The following WWOX variants were observed in gnomAD, a reference collection of about 807,000 sequenced individuals.
WWOX encodes WW domain-containing oxidoreductase.
Under a neutral mutation model 46.2 loss-of-function variants are expected in WWOX, and 69 were observed. The ratio of observed to expected loss-of-function variants is 1.49; its 90% CI spans 1.23 to 1.82. The LOEUF (loss-of-function observed/expected upper bound fraction) is 1.82. Among genes scored for constraint, WWOX ranks in the 40% most tolerant of loss-of-function variants. The pLI is 0.00. For synonymous variants in WWOX, 359 were observed against 202.6 expected (o/e 1.77, Z -6.56); for missense variants, 919 against 542.6 (o/e 1.69, Z -6.89).
At chr16:78,612,382 C>A (rs192074671) in intron 8 of WWOX, among the ~76,000 whole-genome samples, 3 of 152,230 alleles carry the variant, frequency 2.0e-5, no homozygotes, top group East Asian at 1.9e-4. Context: ...CCATCTCTTA[C>A]GGCAGGCAGC....
chr16:78,528,880 C>G (rs183941911), intron 8 of WWOX, among the ~76,000 whole-genome samples: 1 of 151,994 alleles, frequency 6.6e-6, no homozygotes, highest in East Asian at 1.9e-4. Flanking sequence ...TTACTCACAT[C>G]ATAGATGGAG....
At chr16:78,478,908 G>A (rs567354736) in intron 8 of WWOX, among the ~76,000 whole-genome samples, 5 of 151,894 alleles carry the variant, frequency 3.3e-5, no homozygotes, top group Non-Finnish European at 7.4e-5. Flanking sequence ...CTCATTTCCA[G>A]TATTTAATTT....
intron 8 of WWOX, among the ~76,000 whole-genome samples, chr16:78,905,250 T>C (rs765557746): frequency 6.6e-6 from 1 of 152,132 alleles, no homozygotes; most frequent in African/African-American, 2.4e-5. Flanking sequence ...GAGAAGAAAA[T>C]TGCGTGCTAA....
intron 8 of WWOX, among the ~76,000 whole-genome samples, chr16:78,679,211 C>G (rs988584473): frequency 6.6e-6 from 1 of 152,132 alleles, no homozygotes; most frequent in African/African-American, 2.4e-5. Flanking sequence ...GCCCGAGATC[C>G]TAGAACCCGT....
At chr16:78,125,688 C>T (rs545938911) in intron 4 of WWOX, among the ~76,000 whole-genome samples, 4 of 151,928 alleles carry the variant, frequency 2.6e-5, no homozygotes, top group African/African-American at 9.7e-5. Context: ...ATAGCAAGAC[C>T]CCATCTCTAC....
Position 78,741,709 on chromosome 16 carries a change from G to C in WWOX, c.1056+308957G>C, listed in dbSNP as rs147852174. Among the ~76,000 whole-genome samples the C allele has an allele frequency of 4.7e-3, 721 of 151,992 alleles. 1 individual carries two copies. Among genetic ancestry groups the C allele is most frequent in the Middle Eastern group, 0.014 (4 of 294 alleles). ...GTCTATACTAAAAATACAGAAATCA[G>C]TGGGGCATGGGGCGGGTGCTCTGTA... is the stretch of plus-strand genomic sequence containing the variant. On this transcript the variant is annotated intron_variant, in intron 8 of 8. Transcript: ENST00000566780.
chr16:78,378,103 C>G (rs1348895574), intron 5 of WWOX, among the ~76,000 whole-genome samples: 15 of 151,916 alleles, frequency 9.9e-5, no homozygotes, highest in Admixed American at 9.8e-4. Flanking sequence ...CAAGAATCCC[C>G]CTGCGTCCCC....
chr16:78,192,539 A>G (rs1022245828), intron 5 of WWOX, among the ~76,000 whole-genome samples: 2 of 151,796 alleles, frequency 1.3e-5, no homozygotes, highest in Non-Finnish European at 2.9e-5. Flanking sequence ...AATAGGACCC[A>G]TATCCCTGGA....
At chr16:78,646,850 A>T (rs537053681) in intron 8 of WWOX, among the ~76,000 whole-genome samples, 7 of 152,166 alleles carry the variant, frequency 4.6e-5, no homozygotes, top group Admixed American at 1.3e-4. Context: ...GCCGAAACTA[A>T]CTCTGCTGTG....
chr16:78,639,558 G>T (rs2046653761), intron 8 of WWOX, among the ~76,000 whole-genome samples: 1 of 139,320 alleles, frequency 7.2e-6, no homozygotes, highest in Admixed American at 7.6e-5. Context: ...GACTCCAGGG[G>T]CACAGATTGG....
chr16:78,871,791 A>G (rs2044134269), intron 8 of WWOX, among the ~76,000 whole-genome samples: 1 of 152,104 alleles, frequency 6.6e-6, no homozygotes, highest in South Asian at 2.1e-4. Flanking sequence ...TTTAGTAGAG[A>G]GGGGTTTCAC....
At chr16:78,827,256 C>T (rs147784442) in intron 8 of WWOX, among the ~76,000 whole-genome samples, 1 of 152,292 alleles carries the variant, frequency 6.6e-6, no homozygotes, top group Non-Finnish European at 1.5e-5. Flanking sequence ...TAATTGCTCA[C>T]TGTCCAAGTG....
chr16:78,611,088 G>A (rs926265222), intron 8 of WWOX, among the ~76,000 whole-genome samples: 2 of 152,166 alleles, frequency 1.3e-5, no homozygotes, highest in African/African-American at 4.8e-5. Context: ...GTATATCCCA[G>A]TGTGTGTGGT....
At chr16:78,195,384 C>T (rs570270280) in intron 5 of WWOX, among the ~76,000 whole-genome samples, 2 of 152,296 alleles carry the variant, frequency 1.3e-5, no homozygotes, top group South Asian at 4.1e-4. Flanking sequence ...GCTGGCTCAC[C>T]TCCTACTGGT....
chr16:78,362,381 G>A (rs140798267), intron 5 of WWOX, among the ~76,000 whole-genome samples: 160 of 152,278 alleles, frequency 1.1e-3, no homozygotes, highest in Non-Finnish European at 1.8e-3. Context: ...AGGCCAATGC[G>A]GGTGGATCAC....
intron 8 of WWOX, among the ~76,000 whole-genome samples, chr16:78,601,028 C>T (rs147952982): frequency 2.6e-4 from 40 of 152,284 alleles, no homozygotes; most frequent in South Asian, 1.9e-3. Context: ...CCCTCAACCT[C>T]GTTCAGTTTC....
chr16:78,835,364 C>T (rs1382752629), intron 8 of WWOX, among the ~76,000 whole-genome samples: 6 of 152,164 alleles, frequency 3.9e-5, no homozygotes, highest in Non-Finnish European at 5.9e-5. Context: ...TAAATCCACA[C>T]GTTGATAATG....
At chr16:79,156,364 C>T (rs138036109) in intron 8 of WWOX, among the ~76,000 whole-genome samples, 1 of 152,170 alleles carries the variant, frequency 6.6e-6, no homozygotes, top group African/African-American at 2.4e-5. Flanking sequence ...TTTTGCCATG[C>T]TGCTCAAGCT....
intron 8 of WWOX, among the ~76,000 whole-genome samples, chr16:78,887,805 T>A (rs1202901602): frequency 1.3e-5 from 2 of 152,176 alleles, no homozygotes; most frequent in Non-Finnish European, 2.9e-5. Context: ...AATTAAGAGT[T>A]TTGCTGAGTG....
Sources: allele counts gnomAD v4.1 joint callset (sites outside exome capture counted in the v4.1 genomes callset), GRCh38; gene constraint gnomAD v4.1.1; transcripts MANE v1.5; gene names NCBI Gene and HGNC (gene_info 2026-07-23, HGNC 2026-07-21).